TEX11: variants seen among roughly 807,000 people sequenced by gnomAD.
TEX11 encodes the protein testis-expressed protein 11.
Under a neutral mutation model 84.4 loss-of-function variants are expected in TEX11, and 7 were observed. The ratio of observed to expected loss-of-function variants is 0.08; its 90% CI spans 0.05 to 0.16. The LOEUF is 0.16. Ranked by LOEUF, TEX11 falls within the 10% of genes least tolerant of loss-of-function variation. TEX11 has a pLI of 1.00. For synonymous variants in TEX11, 264 were observed against 222.8 expected, an observed-to-expected ratio of 1.18 and a Z score of -1.64; for missense variants, 551 against 660.5, an observed-to-expected ratio of 0.83 and a Z score of 1.82.
intron 17 of TEX11, 149 bp downstream of exon 17, chrX:70,651,301 G>A (rs2089807665): frequency 3.0e-5 from 10 of 332,111 alleles, no homozygotes; most frequent in Non-Finnish European, 1.0e-5. Context: ...GTTTCTTTTT[G>A]CATTGTTGTA....
At chrX:70,748,352 T>A (rs192191872) in intron 9 of TEX11, among the ~76,000 whole-genome samples, 105 of 111,057 alleles carry the variant, frequency 9.5e-4, no homozygotes, top group Non-Finnish European at 1.7e-3. Flanking sequence ...GAAAAATGAC[T>A]CATCACATAA....
chrX:70,897,664 GAAAAC>G (rs1602221644), intron 2 of TEX11: 7 of 66,996 alleles, frequency 1.0e-4, no homozygotes, highest in Admixed American at 3.7e-4. Context: ...AGGAAGGAAG[GAAAAC>G]AAAGAAAGAA....
At chrX:70,789,648 G>A (rs1318311406) in intron 9 of TEX11, among the ~76,000 whole-genome samples, 1 of 111,996 alleles carries the variant, frequency 8.9e-6, no homozygotes, top group African/African-American at 3.2e-5. Flanking sequence ...AACAAGAGTT[G>A]GCAAGGATGT....
intron 25 of TEX11, among the ~76,000 whole-genome samples, 165 bp from the exon 26 acceptor site, chrX:70,554,965 G>T (rs1441170699): frequency 1.8e-5 from 2 of 111,979 alleles, no homozygotes; most frequent in Admixed American, 1.9e-4. Flanking sequence ...TTTTATTTTT[G>T]TTTTTTATTT....
chrX:70,900,378 C>CA (rs372377002), intron 2 of TEX11, among the ~76,000 whole-genome samples: 48 of 68,143 alleles, frequency 7.0e-4, no homozygotes, highest in African/African-American at 2.7e-3. Context: ...GACTCTATCT[C>CA]AAAAAAAAAA....
intron 11 of TEX11, among the ~76,000 whole-genome samples, chrX:70,731,622 A>G (rs1444474658): frequency 9.0e-6 from 1 of 111,715 alleles, no homozygotes; most frequent in Non-Finnish European, 1.9e-5. Context: ...TGAACCTCTG[A>G]ATAGACCAAT....
At chrX:70,769,208 G>A (rs1237574019) in intron 9 of TEX11, among the ~76,000 whole-genome samples, 1 of 110,988 alleles carries the variant, frequency 9.0e-6, no homozygotes, top group African/African-American at 3.3e-5. Flanking sequence ...ACAGAGGGGG[G>A]AAATTATAGA....
At chrX:70,604,681 T>C (rs1237878205) in intron 24 of TEX11, among the ~76,000 whole-genome samples, 1 of 110,975 alleles carries the variant, frequency 9.0e-6, no homozygotes, top group Non-Finnish European at 1.9e-5. Flanking sequence ...GTGACAAGTA[T>C]GGGAGATTAG....
At chrX:70,834,751 G>A (rs1207970440) in intron 7 of TEX11, among the ~76,000 whole-genome samples, 1 of 103,420 alleles carries the variant, frequency 9.7e-6, no homozygotes, top group Non-Finnish European at 2.0e-5. Flanking sequence ...GAGACAGAGC[G>A]AGACTCTGTC....
At chrX:70,766,980 G>A (rs1001962249) in intron 9 of TEX11, among the ~76,000 whole-genome samples, 1 of 111,826 alleles carries the variant, frequency 8.9e-6, no homozygotes, top group Non-Finnish European at 1.9e-5. Flanking sequence ...ATAGATTAAA[G>A]ACTTAAATCT....
chrX:70,759,921 G>T (rs1423906945), intron 9 of TEX11, among the ~76,000 whole-genome samples: 1 of 111,751 alleles, frequency 8.9e-6, no homozygotes, highest in Non-Finnish European at 1.9e-5. Flanking sequence ...CCAAGTCTCA[G>T]GATATAAAAT....
At chrX:70,727,252 G>A (rs201544367) in intron 11 of TEX11, among the ~76,000 whole-genome samples, 1 of 111,361 alleles carries the variant, frequency 9.0e-6, no homozygotes, top group East Asian at 2.8e-4. Context: ...TGTCTATCAT[G>A]GCAGGCATTA....
chrX:70,514,879 C>T, the TEX11 span, among the ~76,000 whole-genome samples: 2 of 110,548 alleles, frequency 1.8e-5, no homozygotes, highest in Non-Finnish European at 3.8e-5. Context: ...ACTAGCTTGG[C>T]CTACATGGTG....
At chrX:70,791,274 T>C (rs182536865) in intron 9 of TEX11, among the ~76,000 whole-genome samples, 8 of 111,839 alleles carry the variant, frequency 7.2e-5, no homozygotes, top group African/African-American at 2.3e-4. Flanking sequence ...CAAAGGACAT[T>C]ACATAACAAT....
intron 13 of TEX11, among the ~76,000 whole-genome samples, chrX:70,691,490 G>A (rs2090234279): frequency 8.9e-6 from 1 of 112,016 alleles, no homozygotes; most frequent in South Asian, 3.7e-4. Flanking sequence ...GCCTTCAAAT[G>A]AAAGAAGCCT....
chrX:70,626,069 A>T (rs903358925), intron 18 of TEX11, among the ~76,000 whole-genome samples: 12 of 111,181 alleles, frequency 1.1e-4, no homozygotes, highest in African/African-American at 3.3e-4. Context: ...TTTTCAATAT[A>T]TAGGTAGAGG....
At chrX:70,873,134 G>C in intron 4 of TEX11, 89 bp downstream of exon 4, 1 of 537,970 alleles carries the variant, frequency 1.9e-6, no homozygotes, top group Non-Finnish European at 3.0e-6. Flanking sequence ...ATCTAAGAAT[G>C]GGTCAAAACA....
At chrX:70,585,774 C>T (rs1008162029) in intron 25 of TEX11, among the ~76,000 whole-genome samples, 3 of 112,396 alleles carry the variant, frequency 2.7e-5, no homozygotes, top group Non-Finnish European at 5.6e-5. Flanking sequence ...CTCTTCAGGC[C>T]GGGTGTGGTG....
rs1228016930 is a variant in TEX11, at chrX:70,648,457, AAT to A, written c.1483+2991_1483+2992del. ...AAAACCCACCATGTTGTTCATGATCAATATATATATAATTTTTATTTGCCAAT... is the reference window on the plus strand; with the variant it reads ...AAAACCCACCATGTTGTTCATGATCAATATATATAATTTTTATTTGCCAAT... On this transcript the variant is annotated intron_variant, in intron 17 of 29. Transcript: ENST00000374333. Among the ~76,000 whole-genome samples, 13 of 110,805 alleles carry A rather than the reference AAT, an allele frequency of 1.2e-4. No individual in the cohort carries two copies. In the South Asian group the frequency reaches 3.8e-3, roughly 32 times the overall value.
Sources: gnomAD v4.1 joint callset for allele counts (sites outside exome capture counted in the v4.1 genomes callset) on GRCh38, gnomAD v4.1.1 for gene constraint, MANE v1.5 for transcripts, NCBI Gene and HGNC (gene_info 2026-07-23, HGNC 2026-07-21) for gene names.